The following CAST variants were observed in gnomAD, a reference collection of about 807,000 sequenced individuals.
CAST encodes the protein calpastatin.
In CAST, 76 loss-of-function variants were observed where a neutral mutation model predicts 119.6. The observed-to-expected ratio is 0.64, with a 90% CI of 0.53 to 0.77. The LOEUF (loss-of-function observed/expected upper bound fraction) is 0.77, where lower values mean the gene tolerates loss of function less well. Among genes scored for constraint, CAST ranks in the 30% least tolerant of loss-of-function variants. The pLI is 0.00. For missense variants in CAST, 953 were observed against 946.5 expected (o/e 1.01, Z -0.09); for synonymous variants, 319 against 331.6 (o/e 0.96, Z 0.41).
chr5:96,013,968 A>G, the CAST span, among the ~76,000 whole-genome samples: 1 of 152,166 alleles, frequency 6.6e-6, no homozygotes, highest in South Asian at 2.1e-4. Context: ...TTATTTAAAA[A>G]ATTATTTCTT....
the CAST span, among the ~76,000 whole-genome samples, chr5:96,327,641 A>G: frequency 2.6e-5 from 4 of 152,240 alleles, no homozygotes; most frequent in African/African-American, 7.2e-5. Context: ...AGACACTTAG[A>G]GACATCTTGG....
the CAST span, among the ~76,000 whole-genome samples, chr5:96,232,698 G>T: frequency 6.6e-6 from 1 of 151,968 alleles, no homozygotes; most frequent in African/African-American, 2.4e-5. Context: ...AAATTATAAG[G>T]TTCCTATTAA....
the CAST span, among the ~76,000 whole-genome samples, chr5:96,203,808 A>T: frequency 6.6e-6 from 1 of 152,056 alleles, no homozygotes; most frequent in Admixed American, 6.6e-5. Flanking sequence ...GCATTTAATA[A>T]TAATAATAAG....
the CAST span, among the ~76,000 whole-genome samples, chr5:96,447,443 C>T: frequency 6.6e-6 from 1 of 152,218 alleles, no homozygotes; most frequent in African/African-American, 2.4e-5. Context: ...ACCCAGCACA[C>T]ACAAGTGTGC....
the CAST span, chr5:95,970,139 A>G: frequency 6.6e-6 from 1 of 152,224 alleles, no homozygotes; most frequent in African/African-American, 2.4e-5. Flanking sequence ...TGAGTGAAGG[A>G]AAAAGCTTTG....
intron 1 of CAST, among the ~76,000 whole-genome samples, chr5:96,642,543 CTTT>C (rs35326344): frequency 6.4e-5 from 9 of 140,436 alleles, no homozygotes; most frequent in Admixed American, 1.4e-4. Context: ...CATATAGTTC[CTTT>C]TTTTTTTTTT....
At chr5:96,222,307 A>G in the CAST span, among the ~76,000 whole-genome samples, 28 of 152,188 alleles carry the variant, frequency 1.8e-4, no homozygotes, top group African/African-American at 6.3e-4. Context: ...GGAAACATCA[A>G]CAGAGTGAAG....
upstream of CAST, among the ~76,000 whole-genome samples, chr5:96,528,999 T>C (rs1745643935): frequency 6.6e-6 from 1 of 152,216 alleles, no homozygotes; most frequent in African/African-American, 2.4e-5. Flanking sequence ...CGACTCCTCC[T>C]GACAGTGAGA....
chr5:96,536,082 G>C (rs1474188990), intron 1 of CAST, among the ~76,000 whole-genome samples: 2 of 145,250 alleles, frequency 1.4e-5, no homozygotes, highest in Non-Finnish European at 3.0e-5. Context: ...GGAGGGCTGG[G>C]TGCAGTGGCT....
At chr5:96,111,154 C>CA in the CAST span, 2 of 152,196 alleles carry the variant, frequency 1.3e-5, no homozygotes, top group Non-Finnish European at 2.9e-5. Context: ...TTGCTATAAC[C>CA]ACTCACAGAA....
chr5:96,111,072 C>T, the CAST span: 2 of 152,218 alleles, frequency 1.3e-5, no homozygotes, highest in African/African-American at 4.8e-5. Context: ...TGATGCCAAT[C>T]ACAAGTAGTG....
the CAST span, among the ~76,000 whole-genome samples, chr5:96,281,143 T>C: frequency 0.49 from 75,016 of 152,002 alleles, 20,033 homozygotes; most frequent in African/African-American, 0.69. Context: ...TAATGTCATA[T>C]GCATTATTGA....
chr5:96,392,658 C>T, the CAST span: 12 of 233,624 alleles, frequency 5.1e-5, no homozygotes, highest in African/African-American at 2.3e-4. Context: ...TAATTGATAT[C>T]CCAGGTTTTG....
chr5:96,451,992 C>T, the CAST span, among the ~76,000 whole-genome samples: 5 of 152,322 alleles, frequency 3.3e-5, no homozygotes, highest in Admixed American at 2.6e-4. Flanking sequence ...CAGGAAACAA[C>T]AGATGCTGGA....
At chr5:96,618,762 G>A (rs111676692) in intron 1 of CAST, among the ~76,000 whole-genome samples, 42 of 152,284 alleles carry the variant, frequency 2.8e-4, no homozygotes, top group Middle Eastern at 3.4e-3. Context: ...GGCAGGGCTC[G>A]GGACCTGCAG....
chr5:96,247,244 A>T, the CAST span, among the ~76,000 whole-genome samples: 1 of 152,238 alleles, frequency 6.6e-6, no homozygotes, highest in Admixed American at 6.5e-5. Context: ...CAAACCACAT[A>T]GAATGAGGTC....
At chr5:96,070,785 A>G in the CAST span, among the ~76,000 whole-genome samples, 1 of 152,116 alleles carries the variant, frequency 6.6e-6, no homozygotes, top group South Asian at 2.1e-4. Flanking sequence ...TTTCGTAACC[A>G]CCCTATAGAT....
At chr5:96,025,987 C>T in the CAST span, among the ~76,000 whole-genome samples, 5 of 152,280 alleles carry the variant, frequency 3.3e-5, no homozygotes, top group South Asian at 8.3e-4. Flanking sequence ...ATTCCCAGCA[C>T]TTTGGGAGGC....
the CAST span, among the ~76,000 whole-genome samples, chr5:96,045,538 G>A: frequency 6.6e-6 from 1 of 152,180 alleles, no homozygotes; most frequent in Non-Finnish European, 1.5e-5. Context: ...TCCAGTCACT[G>A]GTGATACAAA....
Sources: allele counts gnomAD v4.1 joint callset (sites outside exome capture counted in the v4.1 genomes callset), GRCh38; gene constraint gnomAD v4.1.1; transcripts MANE v1.5; gene names NCBI Gene and HGNC (gene_info 2026-07-23, HGNC 2026-07-21).